FAF1: variants seen among roughly 807,000 people sequenced by gnomAD.
The protein encoded by FAF1 is FAS-associated factor 1.
Under a neutral mutation model 92.5 loss-of-function variants are expected in FAF1, and 25 were observed. That is an observed-to-expected ratio of 0.27 (90% CI 0.20 to 0.38). The LOEUF (loss-of-function observed/expected upper bound fraction) is 0.38, where lower values mean the gene tolerates loss of function less well. Among genes scored for constraint, FAF1 ranks in the 10% least tolerant of loss-of-function variants. The pLI is 1.00. For synonymous variants in FAF1, 234 were observed against 273.2 expected (o/e 0.86, Z 1.42); for missense variants, 636 against 793.3 (o/e 0.80, Z 2.38).
intron 8 of FAF1, among the ~76,000 whole-genome samples, chr1:50,638,439 C>G (rs1046972589): frequency 1.4e-5 from 2 of 143,248 alleles, no homozygotes; most frequent in African/African-American, 5.3e-5. Flanking sequence ...TTTTCTTTTT[C>G]TTTTTCTTTT....
At chr1:50,698,725 C>T (rs1657337152) in intron 7 of FAF1, among the ~76,000 whole-genome samples, 1 of 151,966 alleles carries the variant, frequency 6.6e-6, no homozygotes, top group South Asian at 2.1e-4. Context: ...CTCCTTATAT[C>T]CCTCCTCACC....
chr1:50,934,009 C>A (rs899725309), intron 1 of FAF1, among the ~76,000 whole-genome samples: 9 of 152,184 alleles, frequency 5.9e-5, no homozygotes, highest in Non-Finnish European at 2.9e-5. Context: ...CTGGGAGATA[C>A]AATTCAAGTT....
Position 50,593,502 on chromosome 1 carries a change from G to A in FAF1, c.840+2619C>T, listed in dbSNP as rs1444105407. On this transcript the variant is annotated intron_variant, in intron 9 of 18. Transcript: ENST00000396153. ...CTCTAGCCATTAAAAACAGACTCAA[G>A]CACTTTAAAGAAATATCTCATTAAA... is the stretch of plus-strand genomic sequence containing the variant. Among the ~76,000 whole-genome samples the A allele has an allele frequency of 3.9e-5, 6 of 152,150 alleles. No individual in the cohort carries two copies. The East Asian group carries it at 1.2e-3, about 29-fold the overall frequency.
At chr1:50,951,068 T>C (rs1645210704) in intron 1 of FAF1, among the ~76,000 whole-genome samples, 1 of 152,142 alleles carries the variant, frequency 6.6e-6, no homozygotes, top group African/African-American at 2.4e-5. Context: ...CCATCTCCAC[T>C]AAAAATATTT....
intron 7 of FAF1, among the ~76,000 whole-genome samples, chr1:50,664,238 C>T (rs752772813): frequency 2.3e-4 from 35 of 150,912 alleles, no homozygotes; most frequent in Non-Finnish European, 4.3e-4. Flanking sequence ...CCTCGTGATC[C>T]GCCCACCTCA....
intron 18 of FAF1, among the ~76,000 whole-genome samples, chr1:50,456,228 G>A (rs1162884467): frequency 6.6e-6 from 1 of 152,112 alleles, no homozygotes; most frequent in African/African-American, 2.4e-5. Context: ...GAGTAGCAGG[G>A]ACTACACTGC....
intron 1 of FAF1, among the ~76,000 whole-genome samples, chr1:50,904,392 A>C (rs1377919198): frequency 2.0e-5 from 3 of 152,210 alleles, no homozygotes. Flanking sequence ...TTAATTGGCA[A>C]GGAGTTTCAG....
intron 8 of FAF1, among the ~76,000 whole-genome samples, 198 bp from the exon 9 acceptor site, chr1:50,596,414 A>AT (rs1384751251): frequency 7.9e-5 from 12 of 152,166 alleles, no homozygotes; most frequent in Non-Finnish European, 1.3e-4. Flanking sequence ...GCTAAGGCTA[A>AT]TTTTCATTAG....
intron 1 of FAF1, among the ~76,000 whole-genome samples, chr1:50,924,695 T>C (rs940266703): frequency 2.1e-4 from 32 of 152,086 alleles, no homozygotes; most frequent in Non-Finnish European, 4.1e-4. Flanking sequence ...TAATAAAAGA[T>C]ACATAGGCTA....
chr1:50,739,838 T>A (rs1659315822), intron 5 of FAF1, among the ~76,000 whole-genome samples: 1 of 152,142 alleles, frequency 6.6e-6, no homozygotes, highest in African/African-American at 2.4e-5. Flanking sequence ...TTGTACTACA[T>A]ATGACCTACT....
intron 3 of FAF1, among the ~76,000 whole-genome samples, chr1:50,794,471 A>C (rs745426799): frequency 6.6e-6 from 1 of 152,244 alleles, no homozygotes; most frequent in Non-Finnish European, 1.5e-5. Context: ...CTGAGGTATA[A>C]ATCTACATTG....
chr1:50,473,840 C>T (rs1646604460), intron 18 of FAF1, among the ~76,000 whole-genome samples: 2 of 152,150 alleles, frequency 1.3e-5, no homozygotes, highest in South Asian at 4.2e-4. Flanking sequence ...ATCCTGCAAA[C>T]CTGACAGCCA....
At position 50,930,962 on chromosome 1, in the gene FAF1, ATTAT is replaced by A. The variant is rs141007439; in HGVS notation, c.45+28801_45+28804del. Among the ~76,000 whole-genome samples, 1,016 of 151,972 alleles carry A rather than the reference ATTAT, an allele frequency of 6.7e-3. 10 individuals carry two copies. Among genetic ancestry groups the A allele is most frequent in the African/African-American group, 0.024 (978 of 41,550 alleles). ...CCTTAACTTGAAGTCTTAGTCTAAC[ATTAT>A]TAATTAATTACAGCAGATTTGTTAT... On this transcript the variant is annotated intron_variant, in intron 1 of 18. Coordinates refer to ENST00000396153, the MANE Select transcript of FAF1 (RefSeq NM_007051.3).
At chr1:50,677,858 G>T (rs1656196932) in intron 7 of FAF1, among the ~76,000 whole-genome samples, 1 of 135,998 alleles carries the variant, frequency 7.4e-6, no homozygotes, top group Non-Finnish European at 1.5e-5. Context: ...TTACACCATT[G>T]CACTCCAGTC....
intron 2 of FAF1, among the ~76,000 whole-genome samples, chr1:50,818,196 ATCTTAAACACACTAAAGTGCG>A (rs1643996777): frequency 6.6e-6 from 1 of 152,230 alleles, no homozygotes; most frequent in African/African-American, 2.4e-5. Flanking sequence ...AAAAAATTCC[ATCTTAAACACACTAAAGTGCG>A]TGAAATTAAA....
chr1:50,556,740 G>A (rs1649601684), intron 13 of FAF1, among the ~76,000 whole-genome samples: 1 of 152,006 alleles, frequency 6.6e-6, no homozygotes, highest in South Asian at 2.1e-4. Context: ...GGGAGGCTGA[G>A]GTGGGAGGAC....
intron 1 of FAF1, among the ~76,000 whole-genome samples, chr1:50,905,350 T>C (rs1003410767): frequency 1.3e-5 from 2 of 152,226 alleles, no homozygotes; most frequent in Admixed American, 6.5e-5. Flanking sequence ...TAAACATGTG[T>C]GCATGTGTCT....
chr1:50,646,256 C>T (rs1043724733), intron 8 of FAF1, among the ~76,000 whole-genome samples: 1 of 152,044 alleles, frequency 6.6e-6, no homozygotes, highest in Admixed American at 6.6e-5. Flanking sequence ...TACATATATA[C>T]ACACACACAC....
chr1:50,594,630 G>A (rs913615358), intron 9 of FAF1, among the ~76,000 whole-genome samples: 2 of 151,182 alleles, frequency 1.3e-5, no homozygotes, highest in Non-Finnish European at 3.0e-5. Context: ...GAGGCCGGGG[G>A]GGGTGGGGGT....
Sources: gnomAD v4.1 joint callset for allele counts (sites outside exome capture counted in the v4.1 genomes callset) on GRCh38, gnomAD v4.1.1 for gene constraint, MANE v1.5 for transcripts, NCBI Gene and HGNC (gene_info 2026-07-23, HGNC 2026-07-21) for gene names.